Variants in DHRSX observed in about 807,000 individuals in gnomAD.
The protein encoded by DHRSX is polyprenol dehydrogenase.
A neutral mutation model predicts 34.0 loss-of-function variants in DHRSX; 31 were observed. That is an observed-to-expected ratio of 0.91 (90% confidence interval 0.69 to 1.23). The LOEUF (loss-of-function observed/expected upper bound fraction) is 1.23, where lower values mean the gene tolerates loss of function less well. DHRSX is among the 50% of genes most tolerant of loss of function. The pLI, the probability that DHRSX is intolerant of heterozygous loss-of-function variation, is 0.00. For missense variants in DHRSX, 414 were observed against 428.1 expected (o/e 0.97, Z 0.29); for synonymous variants, 201 against 183.8 (o/e 1.09, Z -0.76).
chrX:2,485,568 G>A (rs2044871184), intron 1 of DHRSX, among the ~76,000 whole-genome samples: 1 of 130,848 alleles, frequency 7.6e-6, no homozygotes, highest in South Asian at 2.7e-4. Context: ...CAGAGGGAGG[G>A]AGGAAAGGAA....
intron 1 of DHRSX, among the ~76,000 whole-genome samples, chrX:2,485,768 GA>G: frequency 2.9e-5 from 1 of 34,508 alleles, no homozygotes; most frequent in African/African-American, 1.4e-4. Context: ...GGGAGAGAAG[GA>G]AGGAAGGGAG....
chrX:2,412,602 G>A (rs1425706026), intron 2 of DHRSX, among the ~76,000 whole-genome samples: 1 of 150,062 alleles, frequency 6.7e-6, no homozygotes, highest in Non-Finnish European at 1.5e-5. Flanking sequence ...CAAAGGAAAT[G>A]AAATCAGCCC....
chrX:2,468,115 A>G (rs1358726850), intron 1 of DHRSX, among the ~76,000 whole-genome samples: 1 of 152,072 alleles, frequency 6.6e-6, no homozygotes, highest in East Asian at 1.9e-4. Context: ...GAATATAAAG[A>G]ATCACACTAG....
At chrX:2,258,010 A>G (rs776735055) in intron 5 of DHRSX, among the ~76,000 whole-genome samples, 1 of 152,290 alleles carries the variant, frequency 6.6e-6, no homozygotes, top group East Asian at 1.9e-4. Context: ...AGGTCCTTAT[A>G]AGAAGAGGAG....
chrX:2,265,051 AG>A (rs1315330947), intron 5 of DHRSX, among the ~76,000 whole-genome samples: 1 of 149,442 alleles, frequency 6.7e-6, no homozygotes, highest in East Asian at 2.0e-4. Context: ...CAGCAGACAC[AG>A]GGAGCACTGT....
chrX:2,435,518 C>T (rs2043981166), intron 1 of DHRSX, among the ~76,000 whole-genome samples: 1 of 151,008 alleles, frequency 6.6e-6, no homozygotes, highest in South Asian at 2.1e-4. Flanking sequence ...AATCCCAACA[C>T]TTTAGGAGGT....
intron 3 of DHRSX, among the ~76,000 whole-genome samples, chrX:2,365,589 G>A (rs2042986486): frequency 1.3e-5 from 2 of 152,088 alleles, no homozygotes; most frequent in Admixed American, 6.6e-5. Context: ...TTACCTTGGG[G>A]CTACCAAGCT....
intron 6 of DHRSX, among the ~76,000 whole-genome samples, chrX:2,232,154 C>G (rs1256020529): frequency 1.3e-5 from 2 of 151,554 alleles, no homozygotes; most frequent in South Asian, 2.1e-4. Context: ...CTCCTCCTCT[C>G]TCTCTGCCCC....
At chrX:2,366,739 G>A (rs1278973594) in intron 3 of DHRSX, among the ~76,000 whole-genome samples, 2 of 151,024 alleles carry the variant, frequency 1.3e-5, no homozygotes, top group East Asian at 3.9e-4. Flanking sequence ...GAGACCAGAA[G>A]CATATGCCAT....
At chrX:2,249,119 G>A (rs182143236) in intron 5 of DHRSX, among the ~76,000 whole-genome samples, 68 of 151,928 alleles carry the variant, frequency 4.5e-4, no homozygotes, top group African/African-American at 1.4e-3. Context: ...AAGGAAGGGC[G>A]TGCACATACA....
intron 1 of DHRSX, among the ~76,000 whole-genome samples, chrX:2,466,681 G>GTA (rs1820662443): frequency 6.6e-6 from 1 of 152,076 alleles, no homozygotes; most frequent in Non-Finnish European, 1.5e-5. Context: ...CTATCAGGTG[G>GTA]TACTGGACTT....
chrX:2,242,898 T>G (rs2016173350), intron 6 of DHRSX, 125 bp downstream of exon 6: 1 of 894,164 alleles, frequency 1.1e-6, no homozygotes, highest in Admixed American at 2.6e-5. Flanking sequence ...TTTCCACCAC[T>G]GAGCCGTCCT....
chrX:2,352,133 C>T (rs1024673123), intron 3 of DHRSX, among the ~76,000 whole-genome samples: 5 of 152,088 alleles, frequency 3.3e-5, no homozygotes, highest in Admixed American at 3.3e-4. Flanking sequence ...AGATGTCCTC[C>T]CGTATTCTCT....
chrX:2,294,902 T>G (rs1377946922), intron 3 of DHRSX, among the ~76,000 whole-genome samples: 3 of 152,134 alleles, frequency 2.0e-5, no homozygotes, highest in Non-Finnish European at 4.4e-5. Context: ...TAGTTTCATA[T>G]TCCTTACTGT....
chrX:2,407,214 C>G lies in DHRSX; in HGVS notation c.286+1531G>C, dbSNP rs367808640. Among the ~76,000 whole-genome samples the G allele has an allele frequency of 4.1e-4, 62 of 152,124 alleles. 1 individual carries two copies. The highest frequency in any genetic ancestry group is 1.4e-3 in the African/African-American group (59 of 41,416). On this transcript the variant is annotated intron_variant, in intron 3 of 6. Transcript: ENST00000334651. ...TAGGTCGAGTCCAATTTGCTGGGTC[C>G]GACTCGCAGACTTTGGCTGAGCGAC...
chrX:2,341,670 G>T (rs181394031), intron 3 of DHRSX, among the ~76,000 whole-genome samples: 2,489 of 121,758 alleles, frequency 0.02, 39 homozygotes, highest in Middle Eastern at 0.049. Context: ...TTTTTTGGTG[G>T]GGGTGGGGGT....
chrX:2,378,966 C>A (rs2043173817), intron 3 of DHRSX, among the ~76,000 whole-genome samples: 1 of 152,130 alleles, frequency 6.6e-6, no homozygotes, highest in Non-Finnish European at 1.5e-5. Flanking sequence ...GCCACCGCGC[C>A]CGGCCTTTGG....
intron 5 of DHRSX, among the ~76,000 whole-genome samples, chrX:2,266,401 C>T (rs2041472532): frequency 2.7e-5 from 4 of 148,700 alleles, no homozygotes; most frequent in Admixed American, 2.7e-4. Flanking sequence ...CACCAGTGTA[C>T]AGCAGATGCA....
intron 6 of DHRSX, among the ~76,000 whole-genome samples, chrX:2,235,738 G>GAA (rs2015997147): frequency 2.0e-5 from 1 of 49,634 alleles, no homozygotes; most frequent in African/African-American, 8.2e-5. Context: ...GCATCTCAGG[G>GAA]GAAAAAAAAA....
Sources: allele counts gnomAD v4.1 joint callset (sites outside exome capture counted in the v4.1 genomes callset), GRCh38; gene constraint gnomAD v4.1.1; transcripts MANE v1.5; gene names NCBI Gene and HGNC (gene_info 2026-07-23, HGNC 2026-07-21).